The following NXPE4 variants were observed in gnomAD, a reference collection of about 807,000 sequenced individuals.
NXPE4 encodes the protein NXPE family member 4.
NXPE4 carries 42 observed loss-of-function variants against 33.3 expected under a neutral mutation model. The observed-to-expected ratio is 1.26, with a 90% confidence interval of 0.98 to 1.63. The LOEUF is 1.63. Among genes scored for constraint, NXPE4 ranks in the 40% most tolerant of loss-of-function variants. NXPE4 has a pLI of 0.00. For synonymous variants in NXPE4, 253 were observed against 234.9 expected, an observed-to-expected ratio of 1.08 and a Z score of -0.71; for missense variants, 709 against 647.6, an observed-to-expected ratio of 1.09 and a Z score of -1.03.
chr11:114,652,837 G>A, the NXPE4 span, among the ~76,000 whole-genome samples: 9 of 152,278 alleles, frequency 5.9e-5, no homozygotes, highest in Admixed American at 2.6e-4. Context: ...AAAAGGCAGC[G>A]CATTCAGCTA....
At chr11:114,664,828 A>T in the NXPE4 span, among the ~76,000 whole-genome samples, 12 of 152,176 alleles carry the variant, frequency 7.9e-5, no homozygotes, top group African/African-American at 2.9e-4. Context: ...CCAGTCTGTC[A>T]CACAATCACA....
At chr11:114,667,782 C>T in the NXPE4 span, among the ~76,000 whole-genome samples, 1 of 152,068 alleles carries the variant, frequency 6.6e-6, no homozygotes, top group Non-Finnish European at 1.5e-5. Context: ...CCAGTCAGGC[C>T]TTCAGATGAT....
the NXPE4 span, among the ~76,000 whole-genome samples, chr11:114,623,040 G>A: frequency 6.6e-6 from 1 of 152,106 alleles, no homozygotes; most frequent in Non-Finnish European, 1.5e-5. Flanking sequence ...CTGTTACCCG[G>A]TGGATAATAA....
chr11:114,672,288 C>T, the NXPE4 span, among the ~76,000 whole-genome samples: 1 of 151,818 alleles, frequency 6.6e-6, no homozygotes, highest in Non-Finnish European at 1.5e-5. Context: ...TAATAAGAAT[C>T]TACTGTGCAA....
At chr11:114,654,459 G>C in the NXPE4 span, among the ~76,000 whole-genome samples, 2 of 151,490 alleles carry the variant, frequency 1.3e-5, no homozygotes, top group African/African-American at 4.8e-5. Flanking sequence ...CATCTTCTAT[G>C]TGCCCTCCCC....
chr11:114,607,639 C>T, the NXPE4 span, among the ~76,000 whole-genome samples: 8 of 151,592 alleles, frequency 5.3e-5, no homozygotes, highest in South Asian at 2.1e-4. Flanking sequence ...AGTGTTGCCT[C>T]GCGGTTAACC....
At chr11:114,578,068 A>G (rs536725960) in intron 5 of NXPE4, among the ~76,000 whole-genome samples, 2 of 152,334 alleles carry the variant, frequency 1.3e-5, no homozygotes, top group South Asian at 4.1e-4. Flanking sequence ...TTATCAGAAC[A>G]TCAGGGCTAA....
At chr11:114,621,195 T>A in the NXPE4 span, among the ~76,000 whole-genome samples, 2 of 152,304 alleles carry the variant, frequency 1.3e-5, no homozygotes, top group Admixed American at 6.5e-5. Context: ...GTAACCACTG[T>A]TACCTGGTGG....
chr11:114,646,566 A>G, the NXPE4 span, among the ~76,000 whole-genome samples: 1 of 152,070 alleles, frequency 6.6e-6, no homozygotes, highest in South Asian at 2.1e-4. Flanking sequence ...TAAGTCAAAT[A>G]TAGTTGCTAT....
the NXPE4 span, among the ~76,000 whole-genome samples, chr11:114,601,741 TTATAATA>T: frequency 1.3e-3 from 96 of 71,192 alleles, 3 homozygotes; most frequent in East Asian, 0.017. Flanking sequence ...TTATATATAA[TTATAATA>T]TATAATATAT....
At chr11:114,609,920 G>A in the NXPE4 span, among the ~76,000 whole-genome samples, 1,290 of 151,038 alleles carry the variant, frequency 8.5e-3, 21 homozygotes, top group African/African-American at 0.029. Context: ...ACCATTAACC[G>A]GTGGATAATA....
chr11:114,599,953 C>A (rs111245249), upstream of NXPE4, among the ~76,000 whole-genome samples: 4 of 152,066 alleles, frequency 2.6e-5, no homozygotes, highest in African/African-American at 9.6e-5. Context: ...CATATCTATA[C>A]AAGTAAATAA....
the NXPE4 span, among the ~76,000 whole-genome samples, chr11:114,635,247 A>C: frequency 6.7e-6 from 1 of 150,120 alleles, no homozygotes; most frequent in African/African-American, 2.5e-5. Flanking sequence ...GAGTTCACTC[A>C]TGATTTGGCT....
chr11:114,636,044 C>G, the NXPE4 span, among the ~76,000 whole-genome samples: 1 of 151,870 alleles, frequency 6.6e-6, no homozygotes, highest in Non-Finnish European at 1.5e-5. Context: ...GGAACGGTAC[C>G]AGTTCCTCCT....
chr11:114,660,252 A>G, the NXPE4 span, among the ~76,000 whole-genome samples: 2 of 152,054 alleles, frequency 1.3e-5, no homozygotes, highest in Non-Finnish European at 2.9e-5. Flanking sequence ...TAACAATTCT[A>G]CTGATTTTTT....
In NXPE4 at chr11:114,570,739, T is replaced by C; in HGVS notation, c.*199A>G. The C allele has an allele frequency of 2.1e-6, 1 of 481,938 alleles. No homozygotes were observed. Among genetic ancestry groups the C allele is most frequent in the Non-Finnish European group, 3.6e-6 (1 of 275,540 alleles). The allele number at this position is 481,938 out of a possible 1,614,324, so 29.9% of individuals were successfully genotyped here. On this transcript the variant is annotated 3_prime_UTR_variant, in exon 6 of 6. Transcript: ENST00000375478. ...GAAGGGTAGGCTCTTTTCATGAGTA[T>C]TTTTAGTTTTATTTTTAAGTGGAAG...
At chr11:114,675,455 A>G in the NXPE4 span, among the ~76,000 whole-genome samples, 1 of 152,036 alleles carries the variant, frequency 6.6e-6, no homozygotes, top group East Asian at 1.9e-4. Context: ...AAATTCAGTA[A>G]AGTTGCAGGA....
At chr11:114,636,411 C>T in the NXPE4 span, among the ~76,000 whole-genome samples, 1 of 151,970 alleles carries the variant, frequency 6.6e-6, no homozygotes, top group Non-Finnish European at 1.5e-5. Flanking sequence ...TTCAAAAAAC[C>T]AGCTCCTGGA....
At chr11:114,633,333 C>T in the NXPE4 span, among the ~76,000 whole-genome samples, 1 of 136,346 alleles carries the variant, frequency 7.3e-6, no homozygotes, top group African/African-American at 2.7e-5. Context: ...TGTGGTATTA[C>T]ATTTTATTAT....
Sources: gnomAD v4.1 joint callset for allele counts (sites outside exome capture counted in the v4.1 genomes callset) on GRCh38, gnomAD v4.1.1 for gene constraint, MANE v1.5 for transcripts, NCBI Gene and HGNC (gene_info 2026-07-23, HGNC 2026-07-21) for gene names.